The following TASP1 variants were observed in gnomAD, a reference collection of about 807,000 sequenced individuals.
TASP1 encodes the protein taspase 1, also known as threonine aspartase 1.
In TASP1, 16 loss-of-function variants were observed where a neutral mutation model predicts 56.6. The observed-to-expected ratio is 0.28, with a 90% CI of 0.19 to 0.43. The LOEUF is 0.43. Among genes scored for constraint, TASP1 ranks in the 20% least tolerant of loss-of-function variants. The pLI is 1.00. For synonymous variants in TASP1, 179 were observed against 184.2 expected (o/e 0.97, Z 0.23); for missense variants, 393 against 511.6 (o/e 0.77, Z 2.24).
At chr20:13,305,236 T>C in the TASP1 span, among the ~76,000 whole-genome samples, 1 of 151,922 alleles carries the variant, frequency 6.6e-6, no homozygotes, top group African/African-American at 2.4e-5. Context: ...ATTTTTATTA[T>C]TAGATTCAAC....
intron 10 of TASP1, among the ~76,000 whole-genome samples, chr20:13,488,502 G>A (rs2146547261): frequency 6.6e-6 from 1 of 152,252 alleles, no homozygotes; most frequent in Non-Finnish European, 1.5e-5. Flanking sequence ...AGGGTGAATA[G>A]AGACCGTTTC....
the TASP1 span, among the ~76,000 whole-genome samples, chr20:13,137,588 T>C: frequency 6.6e-6 from 1 of 152,180 alleles, no homozygotes; most frequent in African/African-American, 2.4e-5. Flanking sequence ...CTGTTTCTGC[T>C]GAGAACATCA....
At chr20:13,305,552 T>C in the TASP1 span, among the ~76,000 whole-genome samples, 1 of 152,242 alleles carries the variant, frequency 6.6e-6, no homozygotes, top group Non-Finnish European at 1.5e-5. Flanking sequence ...CCATTATGCC[T>C]GCACAATTTC....
the TASP1 span, among the ~76,000 whole-genome samples, chr20:13,147,861 G>A: frequency 6.6e-6 from 1 of 152,088 alleles, no homozygotes; most frequent in Non-Finnish European, 1.5e-5. Context: ...TTCAAGCCTG[G>A]GAAATAGTAA....
chr20:13,289,464 T>A, the TASP1 span, among the ~76,000 whole-genome samples: 2 of 152,206 alleles, frequency 1.3e-5, no homozygotes, highest in Admixed American at 6.5e-5. Flanking sequence ...AAAACTAAAC[T>A]AATTGCACAC....
rs942980024 is a variant in TASP1 at position 13,390,066 on chromosome 20, C to T, written c.*294G>A. The T allele has an allele frequency of 7.0e-6, 2 of 284,906 alleles. No individual in the cohort carries two copies. The highest frequency in any genetic ancestry group is 9.8e-5 in the Admixed American group (2 of 20,342). 17.6% of individuals were successfully genotyped at this position (284,906 alleles called of 1,614,324 possible). ...TTTTGTAAAGATGATTTAACCATTCCTGGTCACACAATGAGGAGTTTCTAT... is the reference window on the plus strand; with the variant it reads ...TTTTGTAAAGATGATTTAACCATTCTTGGTCACACAATGAGGAGTTTCTAT... On this transcript the variant is annotated 3_prime_UTR_variant, in exon 14 of 14. Coordinates refer to ENST00000337743, the MANE Select transcript of TASP1 (RefSeq NM_017714.3).
intron 13 of TASP1, among the ~76,000 whole-genome samples, chr20:13,400,695 C>A (rs1272698160): frequency 6.6e-6 from 1 of 152,172 alleles, no homozygotes; most frequent in African/African-American, 2.4e-5. Flanking sequence ...CTACCACTTA[C>A]TGCATCCAGA....
At chr20:13,207,866 A>T in the TASP1 span, among the ~76,000 whole-genome samples, 2 of 152,174 alleles carry the variant, frequency 1.3e-5, no homozygotes, top group African/African-American at 2.4e-5. Flanking sequence ...ACATATCACT[A>T]AGCCTAATAT....
the TASP1 span, chr20:13,288,482 G>A: frequency 6.0e-4 from 936 of 1,559,014 alleles, no homozygotes; most frequent in Non-Finnish European, 7.7e-4. Flanking sequence ...CTGCTTGATG[G>A]GGAGATTGGG....
intron 11 of TASP1, among the ~76,000 whole-genome samples, chr20:13,475,674 C>G (rs2044699585): frequency 1.3e-5 from 2 of 152,114 alleles, no homozygotes; most frequent in South Asian, 4.2e-4. Flanking sequence ...GTTGGGGGAT[C>G]ACCTGAGGTC....
chr20:13,428,794 T>C (rs900771913), intron 12 of TASP1, among the ~76,000 whole-genome samples: 1 of 150,980 alleles, frequency 6.6e-6, no homozygotes, highest in African/African-American at 2.5e-5. Context: ...CCAACCAATA[T>C]TGTTTGTTTT....
chr20:13,485,335 T>C (rs911848230), intron 10 of TASP1, among the ~76,000 whole-genome samples: 1 of 152,128 alleles, frequency 6.6e-6, no homozygotes, highest in African/African-American at 2.4e-5. Flanking sequence ...ATGGATGTTT[T>C]AAGAAAATTA....
At chr20:13,435,628 G>C (rs2146194659) in intron 11 of TASP1, among the ~76,000 whole-genome samples, 1 of 152,256 alleles carries the variant, frequency 6.6e-6, no homozygotes, top group African/African-American at 2.4e-5. Flanking sequence ...GCTTCTGATG[G>C]TTCGCACAAA....
the TASP1 span, among the ~76,000 whole-genome samples, chr20:13,325,974 C>A: frequency 6.6e-6 from 1 of 152,194 alleles, no homozygotes; most frequent in African/African-American, 2.4e-5. Flanking sequence ...ATAGTCACAT[C>A]TTCCACCCAA....
the TASP1 span, among the ~76,000 whole-genome samples, chr20:13,208,153 G>A: frequency 4.6e-5 from 7 of 152,238 alleles, no homozygotes; most frequent in East Asian, 9.6e-4. Context: ...AGTATTATGC[G>A]TCAACTTCCT....
chr20:13,266,078 T>C, the TASP1 span, among the ~76,000 whole-genome samples: 4 of 152,282 alleles, frequency 2.6e-5, no homozygotes, highest in South Asian at 8.3e-4. Context: ...AGCAGTTCTG[T>C]CCAGAACCTT....
chr20:13,280,449 T>C, the TASP1 span, among the ~76,000 whole-genome samples: 1 of 147,420 alleles, frequency 6.8e-6, no homozygotes, highest in Non-Finnish European at 1.5e-5. Flanking sequence ...TTCCTGTGTT[T>C]TGGGAGTAGG....
the TASP1 span, among the ~76,000 whole-genome samples, chr20:13,187,070 CTG>C: frequency 6.6e-6 from 1 of 152,078 alleles, no homozygotes; most frequent in South Asian, 2.1e-4. Context: ...ATAAAAAACA[CTG>C]TAACAGAAAT....
the TASP1 span, among the ~76,000 whole-genome samples, chr20:13,184,370 A>G: frequency 6.6e-6 from 1 of 152,288 alleles, no homozygotes; most frequent in South Asian, 2.1e-4. Flanking sequence ...AAGAAATTTA[A>G]TTTTTTAATA....
Sources: gnomAD v4.1 joint callset for allele counts (sites outside exome capture counted in the v4.1 genomes callset) on GRCh38, gnomAD v4.1.1 for gene constraint, MANE v1.5 for transcripts, NCBI Gene and HGNC (gene_info 2026-07-23, HGNC 2026-07-21) for gene names.